The following MRC2 variants were observed in gnomAD, a reference collection of about 807,000 sequenced individuals.
The protein encoded by MRC2 is C-type mannose receptor 2.
MRC2 carries 84 observed loss-of-function variants against 206.2 expected under a neutral mutation model. That is an observed-to-expected ratio of 0.41 (90% confidence interval 0.34 to 0.49). The LOEUF is 0.49. MRC2 is among the 20% of genes least tolerant of loss of function. The probability of loss-of-function intolerance (pLI) is 0.31; values close to 1 mark genes in which losing one functional copy is unlikely to be tolerated. For missense variants in MRC2, 1,676 were observed against 2,001.5 expected, an observed-to-expected ratio of 0.84 and a Z score of 3.10; for synonymous variants, 798 against 800.0, an observed-to-expected ratio of 1.00 and a Z score of 0.04.
intron 20 of MRC2, 26 bp from the exon 21 acceptor site, chr17:62,688,263 A>C: frequency 6.3e-7 from 1 of 1,599,932 alleles, no homozygotes; most frequent in Non-Finnish European, 8.6e-7. Flanking sequence ...GGGGCTGGCC[A>C]TTACATCCCC....
chr17:62,658,158 C>T (rs1396069241), intron 1 of MRC2, among the ~76,000 whole-genome samples: 1 of 152,322 alleles, frequency 6.6e-6, no homozygotes, highest in African/African-American at 2.4e-5. Flanking sequence ...CTCTGCCCAG[C>T]GGAGTCTCTC....
chr17:62,683,384 C>G (rs2088993418), intron 20 of MRC2, among the ~76,000 whole-genome samples: 1 of 151,556 alleles, frequency 6.6e-6, no homozygotes, highest in Non-Finnish European at 1.5e-5. Flanking sequence ...AGGAGAATTG[C>G]TTGAATCCTG....
At chr17:62,665,036 CT>C (rs1260478043) in intron 2 of MRC2, 87 bp downstream of exon 2, 1 of 1,422,154 alleles carries the variant, frequency 7.0e-7, no homozygotes, top group Non-Finnish European at 9.4e-7. Context: ...GTGACAAGGC[CT>C]TTGGCCTCTG....
chr17:62,680,834 G>A lies in MRC2; in HGVS notation c.2508G>A (p.Glu836=). 6.2e-7 allele frequency: 1 copy of A among 1,612,832 alleles called. No homozygotes were observed. Among genetic ancestry groups the A allele is most frequent in the Non-Finnish European group, 8.5e-7 (1 of 1,179,848 alleles). Residue 836 remains glutamate, a synonymous_variant, in exon 17 of 30, where the codon GAG becomes GAA. Coordinates refer to ENST00000303375, the MANE Select transcript of MRC2 (RefSeq NM_006039.5). The surrounding 1 kb of genome is among the most constrained non-coding windows in gnomAD (Gnocchi z 4.8). The part of the protein sequence containing the change: ...RREWLRFQEA[E]YKFFEHHSTW... ...AATGGCTGCGCTTCCAGGAGGCCGA[G>A]TACAAGTTCTTTGAGCACCACTCCA... is the stretch of plus-strand genomic sequence containing the variant.
At chr17:62,685,215 A>G (rs1016187582) in intron 20 of MRC2, among the ~76,000 whole-genome samples, 1 of 152,108 alleles carries the variant, frequency 6.6e-6, no homozygotes, top group African/African-American at 2.4e-5. Flanking sequence ...AGGCATGTAT[A>G]TTATTAAAAC....
chr17:62,657,995 G>C (rs965100073), intron 1 of MRC2, among the ~76,000 whole-genome samples: 1 of 151,986 alleles, frequency 6.6e-6, no homozygotes, highest in Non-Finnish European at 1.5e-5. Flanking sequence ...CAGAGCTCCT[G>C]CACGCCTCTC....
Position 62,688,386 on chromosome 17 carries a change from C to A in MRC2, c.3044C>A (p.Thr1015Lys). ...CAAGAGGCCCAGCTGGTCACCATCA[C>A]AAACCCCTTAGAGCAAGGTAGGGCC... ...EQQEAQLVTI[T>K]NPLEQAFITA... Residue 1015 changes from threonine to lysine, a missense_variant, in exon 21 of 30, where the codon ACA becomes AAA. By Grantham distance (78) the Thr-to-Lys change is moderately conservative. Transcript: ENST00000303375. The A allele has an allele frequency of 1.2e-6, 2 of 1,614,252 alleles. No homozygotes were observed.
Position 62,666,507 on chromosome 17 carries a change from C to T in MRC2, c.747C>T (p.Tyr249=), listed in dbSNP as rs2088756884. 6.2e-7 allele frequency: 1 copy of T among 1,614,004 alleles called. No homozygotes were observed. The highest frequency in any genetic ancestry group is 1.1e-5 in the South Asian group (1 of 91,070). The part of the protein sequence containing the change: ...WDKDQLTDSC[Y]QFNFQSTLSW... The stretch of plus-strand genomic sequence containing the variant: ...AGGACCAGCTGACTGACAGCTGCTA[C>T]CAGTTTAACTTCCAGTCCACGCTGT... Residue 249 remains tyrosine, a synonymous_variant, in exon 4 of 30, where the codon TAC becomes TAT. Coordinates refer to ENST00000303375, the MANE Select transcript of MRC2 (RefSeq NM_006039.5). The surrounding 1 kb of genome is among the most constrained non-coding windows in gnomAD (Gnocchi z 5.0).
rs1355542523 is a variant in MRC2 at position 62,646,238 on chromosome 17, A to T, written c.119-18310A>T. On this transcript the variant is annotated intron_variant, in intron 1 of 29. Transcript: ENST00000303375. ...ACGGGGTTTCACCGTGTTGGCCAGG[A>T]TTGTCTTGATCTCCTGACCTCGTGA... Among the ~76,000 whole-genome samples, 8 of 151,172 alleles carry T rather than the reference A, an allele frequency of 5.3e-5. No homozygotes were observed. In the East Asian group the frequency reaches 1.2e-3, roughly 22 times the overall value.
chr17:62,628,312 C>G (rs1201650793), intron 1 of MRC2, among the ~76,000 whole-genome samples: 1 of 152,142 alleles, frequency 6.6e-6, no homozygotes, highest in Non-Finnish European at 1.5e-5. Context: ...GCTCTCTGTC[C>G]GGGAGTTCCC....
intron 13 of MRC2, among the ~76,000 whole-genome samples, chr17:62,679,048 C>T (rs1264306581): frequency 6.6e-6 from 1 of 152,118 alleles, no homozygotes; most frequent in Admixed American, 6.5e-5. Flanking sequence ...CACAGTTTTT[C>T]CTGAGAGATA....
At position 62,666,275 on chromosome 17, in the gene MRC2, C is replaced by G; in HGVS notation, c.694+8C>G. ...GCTTCTGCCCCATCAAGAGTGAGAG[C>G]TGTTGGAGCCGTGGGGGCGGGGGCA... On this transcript the variant is annotated splice_region_variant and intron_variant, in intron 3 of 29. Transcript: ENST00000303375. This position sits in a 1 kb window ranked among gnomAD's most constrained non-coding sequence, Gnocchi z 5.0. The G allele has an allele frequency of 6.4e-7, 1 of 1,563,864 alleles. No homozygotes were observed. The highest frequency in any genetic ancestry group is 1.2e-5 in the South Asian group (1 of 82,064).
intron 1 of MRC2, among the ~76,000 whole-genome samples, chr17:62,635,670 C>T (rs1269956830): frequency 6.6e-6 from 1 of 152,160 alleles, no homozygotes; most frequent in Non-Finnish European, 1.5e-5. Context: ...AAGAATGGGC[C>T]AGGCATGGTG....
chr17:62,666,879 C>G lies in MRC2; in HGVS notation c.973+9C>G, dbSNP rs768612437. 6.2e-7 allele frequency: 1 copy of G among 1,612,174 alleles called. No homozygotes were observed. Among genetic ancestry groups the G allele is most frequent in the South Asian group, 1.1e-5 (1 of 91,016 alleles). On this transcript the variant is annotated intron_variant, in intron 5 of 29. Coordinates refer to ENST00000303375, the MANE Select transcript of MRC2 (RefSeq NM_006039.5). The surrounding 1 kb of genome is among the most constrained non-coding windows in gnomAD (Gnocchi z 5.0). Reference sequence around the variant, plus strand: ...CCTCAACTGGGAGAGTGGTGAGGCACAAGGTTGGGGGCGCAGGGCAGCATA... The same window carrying G: ...CCTCAACTGGGAGAGTGGTGAGGCAGAAGGTTGGGGGCGCAGGGCAGCATA...
rs955824433 is a variant in MRC2, at chr17:62,693,433, A to G, written c.*982A>G. 10 of 152,584 alleles carry G rather than the reference A, an allele frequency of 6.6e-5. No individual in the cohort carries two copies. Among genetic ancestry groups the G allele is most frequent in the African/African-American group, 2.4e-4 (10 of 41,444 alleles). The allele number at this position is 152,584 out of a possible 1,614,324, so 9.5% of individuals were successfully genotyped here. ...GCCACAGTCCCAGCCAGGACAAAGT[A>G]TGCGGCCCATCCTGGTGCGACAGCG... On this transcript the variant is annotated 3_prime_UTR_variant, in exon 30 of 30. Transcript: ENST00000303375.
intron 1 of MRC2, among the ~76,000 whole-genome samples, chr17:62,659,327 G>A (rs2088654178): frequency 6.6e-6 from 1 of 152,182 alleles, no homozygotes; most frequent in Non-Finnish European, 1.5e-5. Flanking sequence ...CTCACCTGAG[G>A]TCAGGAGTTT....
At position 62,664,696 on chromosome 17, in the gene MRC2, TACCATGC is replaced by T; in HGVS notation, c.269_275del (p.Thr90SerfsTer26). The stretch of plus-strand genomic sequence containing the variant: ...CCCGAAACCGGCTATTCAACCTGGG[TACCATGC>T]AGTGCCTGGGCACAGGCTGGCCAGG... On this transcript the variant is annotated frameshift_variant, in exon 2 of 30. Transcript: ENST00000303375. LOFTEE classifies it high-confidence loss of function. This position sits in a 1 kb window ranked among gnomAD's most constrained non-coding sequence, Gnocchi z 4.7. The T allele has an allele frequency of 6.2e-7, 1 of 1,614,006 alleles. No individual in the cohort carries two copies. The highest frequency in any genetic ancestry group is 8.5e-7 in the Non-Finnish European group (1 of 1,180,028).
rs773846687 is a variant in MRC2, at chr17:62,679,782, T to A, written c.2196-18T>A. 1.7e-5 allele frequency: 27 copies of A among 1,612,470 alleles called. No homozygotes were observed. Among genetic ancestry groups the A allele is most frequent in the African/African-American group, 2.7e-5 (2 of 74,890 alleles). The stretch of plus-strand genomic sequence containing the variant: ...CACTTCCCATCTCTTCCGTCCCCAC[T>A]CCTGGGTTGTGCTGAAGTGAATCAG... On this transcript the variant is annotated intron_variant, in intron 13 of 29. Coordinates refer to ENST00000303375, the MANE Select transcript of MRC2 (RefSeq NM_006039.5).
chr17:62,653,071 C>G (rs1462521401), intron 1 of MRC2, among the ~76,000 whole-genome samples: 7 of 152,070 alleles, frequency 4.6e-5, no homozygotes, highest in Non-Finnish European at 8.8e-5. Flanking sequence ...GCCTGGTGAC[C>G]CCCGGTGAGG....
Sources: gnomAD v4.1 joint callset for allele counts (sites outside exome capture counted in the v4.1 genomes callset) on GRCh38, gnomAD v4.1.1 for gene constraint, Gnocchi (gnomAD v3.1) non-coding constraint, MANE v1.5 for transcripts, NCBI Gene and HGNC (gene_info 2026-07-23, HGNC 2026-07-21) for gene names.